TIAM1: variants seen among roughly 807,000 people sequenced by gnomAD.
The protein encoded by TIAM1 is rho guanine nucleotide exchange factor TIAM1.
Under a neutral mutation model 163.5 loss-of-function variants are expected in TIAM1, and 65 were observed. The ratio of observed to expected loss-of-function variants is 0.40; its 90% confidence interval spans 0.33 to 0.49. The LOEUF is 0.49. Among genes scored for constraint, TIAM1 ranks in the 20% least tolerant of loss-of-function variants. TIAM1 has a pLI of 0.77. For synonymous variants in TIAM1, 833 were observed against 810.1 expected (o/e 1.03, Z -0.48); for missense variants, 1,789 against 2,044.7 (o/e 0.87, Z 2.41).
At chr21:31,365,390 T>TC (rs34724713) in intron 2 of TIAM1, among the ~76,000 whole-genome samples, 3,189 of 144,198 alleles carry the variant, frequency 0.022, 76 homozygotes, top group Middle Eastern at 0.065. Context: ...TTTCTTTCTT[T>TC]TTTTTTTTTT....
At chr21:31,305,683 T>C (rs1321788723) in intron 2 of TIAM1, among the ~76,000 whole-genome samples, 1 of 152,206 alleles carries the variant, frequency 6.6e-6, no homozygotes. Flanking sequence ...CTGAGTCTTT[T>C]AATAATTTGT....
At chr21:31,503,792 A>C (rs1019991056) in intron 1 of TIAM1, among the ~76,000 whole-genome samples, 1 of 151,148 alleles carries the variant, frequency 6.6e-6, no homozygotes, top group East Asian at 2.0e-4. Context: ...GAGAGGTTGA[A>C]AGACCAGGAG....
chr21:31,199,237 G>A (rs1465694447), intron 12 of TIAM1, among the ~76,000 whole-genome samples: 1 of 152,062 alleles, frequency 6.6e-6, no homozygotes, highest in African/African-American at 2.4e-5. Flanking sequence ...CTTGCCTGAC[G>A]ATGACTCTCT....
At chr21:31,321,334 C>CTGTT (rs112634900) in intron 2 of TIAM1, among the ~76,000 whole-genome samples, 6,013 of 150,588 alleles carry the variant, frequency 0.04, 231 homozygotes, top group African/African-American at 0.091. Flanking sequence ...CCATGCTCTA[C>CTGTT]TGTTTGTTTG....
intron 3 of TIAM1, among the ~76,000 whole-genome samples, chr21:31,268,132 G>A (rs1377433414): frequency 6.6e-6 from 1 of 152,102 alleles, no homozygotes; most frequent in African/African-American, 2.4e-5. Context: ...AGAGTAACTG[G>A]GCATATCTCT....
At chr21:31,558,306 G>T (rs1040365816) in intron 1 of TIAM1, among the ~76,000 whole-genome samples, 1 of 152,212 alleles carries the variant, frequency 6.6e-6, no homozygotes, top group African/African-American at 2.4e-5. Flanking sequence ...GCACCCGCAG[G>T]ATTCCGCTTT....
chr21:31,340,633 G>A (rs1031337682), intron 1 of TIAM1, among the ~76,000 whole-genome samples: 3 of 152,096 alleles, frequency 2.0e-5, no homozygotes, highest in South Asian at 2.1e-4. Flanking sequence ...CTGAGTAGCC[G>A]GGACTACAGG....
intron 20 of TIAM1, among the ~76,000 whole-genome samples, chr21:31,142,658 AG>A (rs2082909440): frequency 6.6e-6 from 1 of 151,642 alleles, no homozygotes; most frequent in African/African-American, 2.4e-5. Context: ...AAAGAAAAAA[AG>A]AAAAAGAAAA....
At chr21:31,333,854 C>T (rs906842323) in intron 2 of TIAM1, among the ~76,000 whole-genome samples, 4 of 152,180 alleles carry the variant, frequency 2.6e-5, no homozygotes, top group Non-Finnish European at 4.4e-5. Flanking sequence ...TTCATAGCTA[C>T]CCAACAAATG....
intron 22 of TIAM1, among the ~76,000 whole-genome samples, chr21:31,137,756 T>A (rs1313430761): frequency 1.3e-5 from 2 of 151,514 alleles, no homozygotes; most frequent in Non-Finnish European, 2.9e-5. Flanking sequence ...TGGGAAGGAC[T>A]TGCCCAAGAC....
Position 31,215,589 on chromosome 21 carries a change from A to AAAAAG in TIAM1, c.2142+1963_2142+1964insCTTTT, listed in dbSNP as rs1555893145. ...AAAAGAAAAAAAAAAAAAAAAAAAA[A>AAAAAG]GAAGAGAAATGCTGATGGTTCATGT... On this transcript the variant is annotated intron_variant, in intron 9 of 27. Transcript: ENST00000541036. Among the ~76,000 whole-genome samples, 1,453 of 147,570 alleles carry AAAAAG rather than the reference A, an allele frequency of 9.8e-3. 59 individuals carry two copies. The highest frequency in any genetic ancestry group is 0.035 in the African/African-American group (1,339 of 37,812).
intron 2 of TIAM1, among the ~76,000 whole-genome samples, chr21:31,420,821 G>A (rs1253878786): frequency 6.6e-6 from 1 of 152,046 alleles, no homozygotes; most frequent in Non-Finnish European, 1.5e-5. Flanking sequence ...GTCTTTGCAG[G>A]TGTAATTAAG....
At chr21:31,558,766 G>C (rs1174560090) in intron 1 of TIAM1, among the ~76,000 whole-genome samples, 1 of 152,132 alleles carries the variant, frequency 6.6e-6, no homozygotes, top group Admixed American at 6.5e-5. Context: ...TACGTGGAAA[G>C]CCCGATCGGG....
chr21:31,506,540 T>A (rs1373429421), intron 1 of TIAM1, among the ~76,000 whole-genome samples: 1 of 152,202 alleles, frequency 6.6e-6, no homozygotes, highest in Admixed American at 6.5e-5. Flanking sequence ...TGGAATCACA[T>A]AGTATTTCTC....
chr21:31,391,125 G>C (rs1405309709), intron 2 of TIAM1, among the ~76,000 whole-genome samples: 1 of 152,076 alleles, frequency 6.6e-6, no homozygotes, highest in African/African-American at 2.4e-5. Flanking sequence ...TCATAGGCCC[G>C]AGGGCAGCTC....
chr21:31,195,076 C>G (rs1359024812), intron 13 of TIAM1, 148 bp downstream of exon 13: 3 of 535,968 alleles, frequency 5.6e-6, no homozygotes, highest in Non-Finnish European at 9.8e-6. Flanking sequence ...CTGTTATTCC[C>G]TAGTGTGGCT....
chr21:31,283,377 T>G (rs771563841), intron 2 of TIAM1, among the ~76,000 whole-genome samples: 2 of 152,118 alleles, frequency 1.3e-5, no homozygotes, highest in Non-Finnish European at 2.9e-5. Context: ...CTCCCAAATA[T>G]TCATACAGCC....
rs2082117818 is a variant in TIAM1, at chr21:31,124,524, G to C, written c.4304C>G (p.Ala1435Gly). Residue 1435 changes from alanine (A) to glycine (G), a missense_variant and splice_region_variant, in exon 27 of 28, where the codon GCA becomes GGA. Physicochemically the swap from Ala to Gly is moderately conservative, Grantham distance 60. Around this residue, in one of 5 missense-constraint regions of TIAM1, gnomAD observed 415 missense variants for 439.2 expected, o/e 0.94. Coordinates refer to ENST00000541036, the MANE Select transcript of TIAM1 (RefSeq NM_001353694.2). ...GAACGTCCGAATCCCCACAGTACCTGCCCTGCTCATGGCCGGCCTGGCCCC... is the reference window on the plus strand; with the variant it reads ...GAACGTCCGAATCCCCACAGTACCTCCCCTGCTCATGGCCGGCCTGGCCCC... ...LKGARPAMSR[A>G]VSAPSKSLGR... 6.2e-7 allele frequency: 1 copy of C among 1,612,902 alleles called. No homozygotes were observed. The highest frequency in any genetic ancestry group is 8.5e-7 in the Non-Finnish European group (1 of 1,179,974).
At chr21:31,207,346 T>A (rs1348091633) in intron 11 of TIAM1, among the ~76,000 whole-genome samples, 1 of 152,080 alleles carries the variant, frequency 6.6e-6, no homozygotes, top group Non-Finnish European at 1.5e-5. Context: ...GTGGATCAGA[T>A]AGAATAGGAA....
Sources: gnomAD v4.1 joint callset for allele counts (sites outside exome capture counted in the v4.1 genomes callset) on GRCh38, gnomAD v4.1.1 for gene constraint, gnomAD v4.1.1 regional missense constraint, MANE v1.5 for transcripts, NCBI Gene and HGNC (gene_info 2026-07-23, HGNC 2026-07-21) for gene names.